Variants in PHF20L1 observed in about 807,000 individuals in gnomAD.
PHF20L1 encodes the protein PHD finger protein 20 like 1.
In PHF20L1, 44 loss-of-function variants were observed where a neutral mutation model predicts 125.5. The observed-to-expected ratio is 0.35, with a 90% CI of 0.28 to 0.45. The LOEUF is 0.45. Among genes scored for constraint, PHF20L1 ranks in the 20% least tolerant of loss-of-function variants. The pLI, the probability that PHF20L1 is intolerant of heterozygous loss-of-function variation, is 1.00. For missense variants in PHF20L1, 1,012 were observed against 1,217.2 expected (o/e 0.83, Z 2.51); for synonymous variants, 380 against 403.1 (o/e 0.94, Z 0.69).
At chr8:132,785,865 C>G (rs564642134) in intron 2 of PHF20L1, among the ~76,000 whole-genome samples, 1 of 152,126 alleles carries the variant, frequency 6.6e-6, no homozygotes, top group African/African-American at 2.4e-5. Context: ...TCATGATTAG[C>G]TAGGGTACTG....
rs1007575812 is a variant in PHF20L1 at position 132,843,240 on chromosome 8, A to G, written c.2748+365A>G. ...AATGATTTGTCTTCCTCTTTATGTGAGTTAGATAAAAGGTGGCACTCTAAT... is the reference window on the plus strand; with the variant it reads ...AATGATTTGTCTTCCTCTTTATGTGGGTTAGATAAAAGGTGGCACTCTAAT... On this transcript the variant is annotated intron_variant, in intron 19 of 20. Transcript: ENST00000395386. 5.1e-6 allele frequency: 5 copies of G among 983,436 alleles called. No homozygotes were observed. The African/African-American group carries it at 8.7e-5, about 17-fold the overall frequency. 60.9% of individuals were successfully genotyped at this position (983,436 alleles called of 1,614,324 possible).
chr8:132,839,472 T>C lies in PHF20L1; in HGVS notation c.2277T>C (p.Asn759=). Residue 759 remains asparagine, a synonymous_variant, in exon 18 of 21, where the codon AAT becomes AAC. Transcript: ENST00000395386. ...RMCGLSFFKE[N]YSHLNAKKIV... ...GCGGGTTATCATTTTTCAAAGAAAA[T>C]TATTCTCATCTCAATGCCAAAAAGA... 6.2e-7 allele frequency: 1 copy of C among 1,613,146 alleles called. No individual in the cohort carries two copies. The highest frequency in any genetic ancestry group is 8.5e-7 in the Non-Finnish European group (1 of 1,179,308).
In PHF20L1 at chr8:132,844,168, G is replaced by A. The variant is rs201120246; in HGVS notation, c.2761G>A (p.Gly921Arg). ...HGMPEKNPAE[G>R]NTVFVYNDKK... ...TCCTTTGGAGAAGAATCCAGCTGAAGGGAATACAGTATTTGTTTATAATGA... is the reference window on the plus strand; with the variant it reads ...TCCTTTGGAGAAGAATCCAGCTGAAAGGAATACAGTATTTGTTTATAATGA... The change falls in exon 20 of 21, where the codon GGG (glycine) becomes AGG (arginine). Residue 921 changes from glycine to arginine, a missense_variant. Transcript: ENST00000395386. The A allele has an allele frequency of 1.1e-4, 179 of 1,612,040 alleles. No individual in the cohort carries two copies. In the African/African-American group the frequency reaches 1.8e-3, roughly 16 times the overall value.
chr8:132,811,322 T>C (rs1409144396), intron 9 of PHF20L1, 194 bp downstream of exon 9: 40 of 1,299,672 alleles, frequency 3.1e-5, no homozygotes, highest in African/African-American at 4.5e-5. Context: ...TTTGATTTCA[T>C]AGACTGGCAT....
At chr8:132,812,465 A>G (rs1453289851) in intron 9 of PHF20L1, 1 of 984,920 alleles carries the variant, frequency 1.0e-6, no homozygotes, top group South Asian at 4.7e-5. Context: ...AATTTAAAAA[A>G]GAAAGGAAAA....
chr8:132,825,239 T>A, intron 13 of PHF20L1, 25 bp from the exon 14 acceptor site: 1 of 1,593,188 alleles, frequency 6.3e-7, no homozygotes, highest in Non-Finnish European at 8.6e-7. Context: ...TCGTGATTGC[T>A]AAAGTATTCA....
intron 6 of PHF20L1, among the ~76,000 whole-genome samples, chr8:132,803,084 A>T (rs1833277006): frequency 6.6e-6 from 1 of 151,862 alleles, no homozygotes; most frequent in Admixed American, 6.6e-5. Context: ...GTATTTAGCA[A>T]CAAACTAAAT....
Position 132,775,663 on chromosome 8 carries a change from C to T in PHF20L1, c.-38+18C>T, listed in dbSNP as rs1829590736. The T allele has an allele frequency of 9.0e-6, 3 of 335,012 alleles. No individual in the cohort carries two copies. Among genetic ancestry groups the T allele is most frequent in the Non-Finnish European group, 1.6e-5 (3 of 185,508 alleles). 20.8% of individuals were successfully genotyped at this position (335,012 alleles called of 1,614,324 possible). A position where few individuals can be genotyped will look rare whatever the true frequency, so the allele number is the denominator to read the frequency against. ...CCGAGTCGGTAAGAGGCGGCGGCGG[C>T]TGAGCCGGCAGGCCGCCTGGCCCCC... On this transcript the variant is annotated intron_variant, in intron 1 of 20. Transcript: ENST00000395386.
chr8:132,815,044 T>C, intron 10 of PHF20L1, 155 bp downstream of exon 10: 1 of 551,532 alleles, frequency 1.8e-6, no homozygotes, highest in Non-Finnish European at 3.2e-6. Context: ...GCAAAAACCA[T>C]AGACATTTCT....
chr8:132,844,362 A>G, intron 20 of PHF20L1, 44 bp downstream of exon 20: 3 of 1,458,888 alleles, frequency 2.1e-6, no homozygotes, highest in Non-Finnish European at 2.8e-6. Flanking sequence ...TAGTGAATTT[A>G]TTGTTACTAT....
chr8:132,814,558 G>A, intron 9 of PHF20L1, 79 bp from the exon 10 acceptor site: 13 of 968,866 alleles, frequency 1.3e-5, no homozygotes, highest in South Asian at 1.9e-5. Flanking sequence ...TACTAAAGTT[G>A]CTTAACAGTC....
At chr8:132,821,815 G>A (rs1000301433) in intron 12 of PHF20L1, among the ~76,000 whole-genome samples, 4 of 151,714 alleles carry the variant, frequency 2.6e-5, no homozygotes, top group African/African-American at 9.7e-5. Flanking sequence ...TTGTTGTTGC[G>A]TTTTGTATTC....
intron 12 of PHF20L1, among the ~76,000 whole-genome samples, chr8:132,819,983 AT>A (rs1464812885): frequency 6.6e-6 from 1 of 151,810 alleles, no homozygotes; most frequent in Non-Finnish European, 1.5e-5. Context: ...ATGCTGAAGG[AT>A]TGATGAGATT....
intron 4 of PHF20L1, among the ~76,000 whole-genome samples, chr8:132,797,787 T>C (rs1458566902): frequency 6.6e-6 from 1 of 152,024 alleles, no homozygotes; most frequent in Admixed American, 6.6e-5. Context: ...ACATATATAT[T>C]ATCGGCTTTG....
intron 9 of PHF20L1, chr8:132,812,340 G>C: frequency 1.0e-6 from 1 of 984,130 alleles, no homozygotes; most frequent in Non-Finnish European, 1.2e-6. Context: ...CTTTGATTAT[G>C]CACAATCCTG....
chr8:132,809,576 T>A (rs1283884959), intron 8 of PHF20L1: 1 of 152,254 alleles, frequency 6.6e-6, no homozygotes, highest in African/African-American at 2.4e-5. Flanking sequence ...TACATCATAC[T>A]GCCTTTGAGG....
chr8:132,839,687 A>T lies in PHF20L1; in HGVS notation c.2387+105A>T, dbSNP rs1007063928. 19 of 737,120 alleles carry T rather than the reference A, an allele frequency of 2.6e-5. No homozygotes were observed. The African/African-American group carries it at 3.4e-4, about 13-fold the overall frequency. The allele number at this position is 737,120 out of a possible 1,614,324, so 45.7% of individuals were successfully genotyped here. ...TCCAGAGTAACAGTTTGGAGGAGAGAACAGGTATTTGAATAAAGTTTCATT... is the reference window on the plus strand; with the variant it reads ...TCCAGAGTAACAGTTTGGAGGAGAGTACAGGTATTTGAATAAAGTTTCATT... On this transcript the variant is annotated intron_variant, in intron 18 of 20. Transcript: ENST00000395386.
intron 11 of PHF20L1, 49 bp downstream of exon 11, chr8:132,817,125 A>T (rs756986205): frequency 8.5e-7 from 1 of 1,181,428 alleles, no homozygotes; most frequent in African/African-American, 1.6e-5. Flanking sequence ...GAAGATAAAG[A>T]AAAAACTAAG....
chr8:132,843,974 C>CA, intron 19 of PHF20L1, 182 bp from the exon 20 acceptor site: 1 of 985,224 alleles, frequency 1.0e-6, no homozygotes, highest in Non-Finnish European at 1.2e-6. Context: ...GTGGGTGCAT[C>CA]AGCTCTTAAG....
Sources: allele counts gnomAD v4.1 joint callset (sites outside exome capture counted in the v4.1 genomes callset), GRCh38; gene constraint gnomAD v4.1.1; transcripts MANE v1.5; gene names NCBI Gene and HGNC (gene_info 2026-07-23, HGNC 2026-07-21).